The following NSMCE2 variants were observed in gnomAD, a reference collection of about 807,000 sequenced individuals.
NSMCE2 encodes the protein E3 SUMO-protein ligase NSE2.
Under a neutral mutation model 23.8 loss-of-function variants are expected in NSMCE2, and 24 were observed. The ratio of observed to expected loss-of-function variants is 1.01; its 90% CI spans 0.73 to 1.42. The LOEUF is 1.42. NSMCE2 is among the 40% of genes most tolerant of loss of function. NSMCE2 has a pLI of 0.00. For missense variants in NSMCE2, 284 were observed against 296.5 expected (o/e 0.96, Z 0.31); for synonymous variants, 92 against 94.1 (o/e 0.98, Z 0.13).
intron 5 of NSMCE2, among the ~76,000 whole-genome samples, chr8:125,304,956 G>A (rs13264639): frequency 0.83 from 113,619 of 136,348 alleles, 46,727 homozygotes; most frequent in Middle Eastern, 0.88. Context: ...AGGAAGGAAG[G>A]AAGAAAGAAA....
chr8:125,326,432 T>A (rs1270221189), intron 5 of NSMCE2, among the ~76,000 whole-genome samples: 1 of 152,136 alleles, frequency 6.6e-6, no homozygotes, highest in Non-Finnish European at 1.5e-5. Context: ...TATGTATGTG[T>A]GTGTCTATTT....
At chr8:125,193,583 A>G (rs1315034686) in intron 5 of NSMCE2, among the ~76,000 whole-genome samples, 2 of 152,196 alleles carry the variant, frequency 1.3e-5, no homozygotes, top group Non-Finnish European at 2.9e-5. Flanking sequence ...TAAAGAGTCT[A>G]TATAGTTTTA....
At chr8:125,221,378 G>A (rs538092197) in intron 5 of NSMCE2, among the ~76,000 whole-genome samples, 1 of 152,264 alleles carries the variant, frequency 6.6e-6, no homozygotes, top group Non-Finnish European at 1.5e-5. Context: ...TGAGTAGCTG[G>A]GATTACAGTT....
At chr8:125,280,762 A>G (rs1827658649) in intron 5 of NSMCE2, among the ~76,000 whole-genome samples, 1 of 152,232 alleles carries the variant, frequency 6.6e-6, no homozygotes, top group Non-Finnish European at 1.5e-5. Context: ...TCTTTAAGAC[A>G]TAGGAGTCAA....
intron 5 of NSMCE2, among the ~76,000 whole-genome samples, chr8:125,268,966 T>A (rs1240144674): frequency 1.3e-5 from 2 of 152,198 alleles, no homozygotes; most frequent in African/African-American, 2.4e-5. Flanking sequence ...CATGACTTTT[T>A]AAAAAATATA....
chr8:125,283,368 C>T (rs1052078401), intron 5 of NSMCE2, among the ~76,000 whole-genome samples: 4 of 152,064 alleles, frequency 2.6e-5, no homozygotes, highest in South Asian at 2.1e-4. Flanking sequence ...GTCAACATGA[C>T]GAAACCCCGC....
intron 5 of NSMCE2, among the ~76,000 whole-genome samples, chr8:125,203,493 GTTAATAGACTTTATTC>G (rs1823977726): frequency 6.6e-6 from 1 of 152,164 alleles, no homozygotes. Flanking sequence ...CCTTGTAAAT[GTTAATAGACTTTATTC>G]TTAAATAATT....
chr8:125,192,425 TTAAC>T (rs1470926535), intron 5 of NSMCE2, among the ~76,000 whole-genome samples: 4 of 152,082 alleles, frequency 2.6e-5, no homozygotes, highest in Admixed American at 6.6e-5. Flanking sequence ...GGTTTACTCA[TTAAC>T]TATCTGAAAT....
chr8:125,331,036 T>C (rs1485776073), intron 5 of NSMCE2, among the ~76,000 whole-genome samples: 3 of 152,198 alleles, frequency 2.0e-5, no homozygotes, highest in Non-Finnish European at 2.9e-5. Flanking sequence ...GCGCGGTGGC[T>C]CACACCTGTA....
chr8:125,099,020 T>C (rs552849812), intron 1 of NSMCE2, among the ~76,000 whole-genome samples: 1 of 152,282 alleles, frequency 6.6e-6, no homozygotes, highest in African/African-American at 2.4e-5. Flanking sequence ...TACATAGTAT[T>C]ACATTCATTC....
chr8:125,244,867 T>C (rs1449563034), intron 5 of NSMCE2, among the ~76,000 whole-genome samples: 2 of 152,222 alleles, frequency 1.3e-5, no homozygotes, highest in Admixed American at 1.3e-4. Flanking sequence ...GAGGAGCGAC[T>C]GCTCAAAGCT....
At chr8:125,132,799 T>G (rs1162456058) in intron 3 of NSMCE2, among the ~76,000 whole-genome samples, 1 of 152,194 alleles carries the variant, frequency 6.6e-6, no homozygotes, top group Non-Finnish European at 1.5e-5. Flanking sequence ...CCCAGCCCAA[T>G]TTTTAAATTG....
intron 5 of NSMCE2, among the ~76,000 whole-genome samples, chr8:125,293,473 C>CTTT (rs1282604883): frequency 1.5e-5 from 2 of 134,340 alleles, no homozygotes; most frequent in African/African-American, 6.0e-5. Context: ...TTACTGACTC[C>CTTT]AGTGGGTTAA....
intron 3 of NSMCE2, among the ~76,000 whole-genome samples, chr8:125,141,967 A>T (rs1183337761): frequency 6.6e-6 from 1 of 152,138 alleles, no homozygotes; most frequent in Non-Finnish European, 1.5e-5. Context: ...AGTGCTTCTT[A>T]TGGAGCATTA....
At chr8:125,364,100 C>T (rs953016533) in intron 7 of NSMCE2, among the ~76,000 whole-genome samples, 18 of 152,184 alleles carry the variant, frequency 1.2e-4, no homozygotes, top group African/African-American at 4.1e-4. Context: ...TGCGCCACCA[C>T]GCCTGGCTAA....
intron 5 of NSMCE2, among the ~76,000 whole-genome samples, chr8:125,324,298 T>C (rs1406240968): frequency 6.6e-6 from 1 of 152,108 alleles, no homozygotes; most frequent in Non-Finnish European, 1.5e-5. Flanking sequence ...GCATCCCACT[T>C]CGAGATATTT....
intron 5 of NSMCE2, among the ~76,000 whole-genome samples, chr8:125,238,819 C>T (rs1825656202): frequency 6.6e-6 from 1 of 152,140 alleles, no homozygotes; most frequent in African/African-American, 2.4e-5. Flanking sequence ...ATTGTTCTAA[C>T]AGTCACAGTT....
At chr8:125,180,696 A>G (rs528858407) in intron 4 of NSMCE2, among the ~76,000 whole-genome samples, 1 of 152,308 alleles carries the variant, frequency 6.6e-6, no homozygotes, top group South Asian at 2.1e-4. Context: ...ACTTCTTTCT[A>G]AATCATTTTA....
chr8:125,287,341 A>G (rs1181981207), intron 5 of NSMCE2, among the ~76,000 whole-genome samples: 2 of 152,132 alleles, frequency 1.3e-5, no homozygotes, highest in East Asian at 1.9e-4. Context: ...CAAAAAATAT[A>G]AAATAATAAA....
Sources: allele counts gnomAD v4.1 joint callset (sites outside exome capture counted in the v4.1 genomes callset), GRCh38; gene constraint gnomAD v4.1.1; transcripts MANE v1.5; gene names NCBI Gene and HGNC (gene_info 2026-07-23, HGNC 2026-07-21).